KSR2: variants seen among roughly 807,000 people sequenced by gnomAD.
KSR2 encodes kinase suppressor of ras 2.
Under a neutral mutation model 107.8 loss-of-function variants are expected in KSR2, and 25 were observed. The ratio of observed to expected loss-of-function variants is 0.23; its 90% CI spans 0.17 to 0.32. The LOEUF is 0.32. Among genes scored for constraint, KSR2 ranks in the 10% least tolerant of loss-of-function variants. KSR2 has a pLI of 1.00. For missense variants in KSR2, 887 were observed against 1,268.9 expected, an observed-to-expected ratio of 0.70 and a Z score of 4.57; for synonymous variants, 480 against 507.0, an observed-to-expected ratio of 0.95 and a Z score of 0.71.
chr12:117,965,577 A>G (rs78739668), intron 1 of KSR2, among the ~76,000 whole-genome samples: 2,698 of 152,340 alleles, frequency 0.018, 40 homozygotes, highest in Non-Finnish European at 0.026. Context: ...TTATCACAGC[A>G]CTGTTCAGGG....
At chr12:117,491,293 T>A (rs1592923482) in intron 14 of KSR2, among the ~76,000 whole-genome samples, 1 of 152,128 alleles carries the variant, frequency 6.6e-6, no homozygotes, top group Non-Finnish European at 1.5e-5. Flanking sequence ...AATTCTCTTG[T>A]CTCAGCCTCC....
intron 3 of KSR2, among the ~76,000 whole-genome samples, chr12:117,849,335 GAC>G (rs1251104785): frequency 2.6e-5 from 4 of 152,136 alleles, no homozygotes; most frequent in Non-Finnish European, 4.4e-5. Context: ...ACTTTATGGA[GAC>G]ACACACCTCA....
intron 8 of KSR2, 99 bp downstream of exon 8, chr12:117,558,407 A>T: frequency 2.5e-6 from 2 of 798,636 alleles, no homozygotes; most frequent in East Asian, 5.0e-5. Flanking sequence ...GTGGGGATCA[A>T]GAGGTATTCA....
intron 14 of KSR2, among the ~76,000 whole-genome samples, chr12:117,515,077 C>T (rs1048116898): frequency 5.9e-5 from 9 of 152,128 alleles, no homozygotes; most frequent in Admixed American, 3.3e-4. Context: ...ATCACGACAC[C>T]GTTGGAGAAT....
intron 5 of KSR2, among the ~76,000 whole-genome samples, chr12:117,662,987 A>G (rs1884501356): frequency 6.6e-6 from 1 of 152,302 alleles, no homozygotes; most frequent in African/African-American, 2.4e-5. Context: ...ACCTGGGACG[A>G]CAGATCCCTA....
intron 9 of KSR2, among the ~76,000 whole-genome samples, chr12:117,541,531 G>A (rs902828809): frequency 6.6e-6 from 1 of 152,200 alleles, no homozygotes; most frequent in Admixed American, 6.5e-5. Flanking sequence ...CTCAAAGCCA[G>A]CAGAGCTAAG....
intron 7 of KSR2, among the ~76,000 whole-genome samples, chr12:117,568,575 A>C (rs963449620): frequency 2.0e-5 from 3 of 152,164 alleles, no homozygotes; most frequent in Non-Finnish European, 4.4e-5. Flanking sequence ...TTTACTTCTG[A>C]AGGCCTCTGT....
chr12:117,922,412 G>A (rs529642227), intron 1 of KSR2, among the ~76,000 whole-genome samples: 12 of 152,314 alleles, frequency 7.9e-5, no homozygotes, highest in South Asian at 2.1e-4. Context: ...GGAAAGCACC[G>A]TTCACATATA....
chr12:117,552,389 C>T (rs574435796), intron 9 of KSR2, among the ~76,000 whole-genome samples: 20 of 152,296 alleles, frequency 1.3e-4, no homozygotes, highest in Non-Finnish European at 2.1e-4. Flanking sequence ...TGTTTCTTCC[C>T]GTTGAATCTG....
At chr12:117,621,122 C>T (rs1882174252) in intron 5 of KSR2, among the ~76,000 whole-genome samples, 1 of 152,108 alleles carries the variant, frequency 6.6e-6, no homozygotes, top group African/African-American at 2.4e-5. Flanking sequence ...TGGTTTCCTC[C>T]ATACTGTTCA....
intron 1 of KSR2, among the ~76,000 whole-genome samples, chr12:117,929,984 C>G (rs530785856): frequency 6.6e-6 from 1 of 152,036 alleles, no homozygotes; most frequent in Non-Finnish European, 1.5e-5. Flanking sequence ...CTGAATTGGA[C>G]ACTTACAATT....
intron 5 of KSR2, among the ~76,000 whole-genome samples, chr12:117,595,383 A>G (rs1264651240): frequency 8.2e-5 from 8 of 97,204 alleles, no homozygotes; most frequent in African/African-American, 9.2e-5. Context: ...TTTGAGACGG[A>G]GTCTCGCTCT....
chr12:117,910,913 T>C (rs1398213880), intron 1 of KSR2, among the ~76,000 whole-genome samples: 1 of 152,124 alleles, frequency 6.6e-6, no homozygotes, highest in Non-Finnish European at 1.5e-5. Context: ...GCCTCCCAAC[T>C]TGATCCTGTG....
chr12:117,924,523 G>C (rs1895445657), intron 1 of KSR2, among the ~76,000 whole-genome samples: 1 of 127,678 alleles, frequency 7.8e-6, no homozygotes, highest in African/African-American at 3.0e-5. Context: ...AGTGAGCTGA[G>C]ATCGTGTCAT....
At chr12:117,472,706 A>G (rs1241532224) in intron 17 of KSR2, among the ~76,000 whole-genome samples, 2 of 152,188 alleles carry the variant, frequency 1.3e-5, no homozygotes, top group African/African-American at 4.8e-5. Flanking sequence ...TCGGATGTCA[A>G]GTTAGATGAT....
chr12:117,637,812 C>T (rs904564915), intron 5 of KSR2, among the ~76,000 whole-genome samples: 1 of 147,176 alleles, frequency 6.8e-6, no homozygotes, highest in East Asian at 2.1e-4. Flanking sequence ...CTTATTTTTA[C>T]ATAAATGCCT....
At chr12:117,934,260 G>A (rs888887495) in intron 1 of KSR2, among the ~76,000 whole-genome samples, 8 of 152,058 alleles carry the variant, frequency 5.3e-5, no homozygotes, top group Non-Finnish European at 1.0e-4. Flanking sequence ...GACTGATCTC[G>A]CTCCCTGGCT....
At chr12:117,716,241 T>C (rs1453222760) in intron 4 of KSR2, among the ~76,000 whole-genome samples, 1 of 152,242 alleles carries the variant, frequency 6.6e-6, no homozygotes, top group Non-Finnish European at 1.5e-5. Flanking sequence ...TGGCACATAG[T>C]ATATGCTCAA....
At chr12:117,689,678 T>G (rs1232454789) in intron 4 of KSR2, among the ~76,000 whole-genome samples, 1 of 151,908 alleles carries the variant, frequency 6.6e-6, no homozygotes, top group Non-Finnish European at 1.5e-5. Flanking sequence ...GAAAACCAAC[T>G]GCCTAACAAC....
Sources: allele counts gnomAD v4.1 joint callset (sites outside exome capture counted in the v4.1 genomes callset), GRCh38; gene constraint gnomAD v4.1.1; transcripts MANE v1.5; gene names NCBI Gene and HGNC (gene_info 2026-07-23, HGNC 2026-07-21).